Variants in TMEM132D observed in about 807,000 individuals in gnomAD.
TMEM132D encodes transmembrane protein 132D, also known as mature OL transmembrane protein.
Under a neutral mutation model 62.3 loss-of-function variants are expected in TMEM132D, and 21 were observed. The observed-to-expected ratio is 0.34, with a 90% CI of 0.24 to 0.49. TMEM132D has a LOEUF of 0.49. Among genes scored for constraint, TMEM132D ranks in the 20% least tolerant of loss-of-function variants. The pLI is 0.99. For synonymous variants in TMEM132D, 621 were observed against 575.6 expected, an observed-to-expected ratio of 1.08 and a Z score of -1.13; for missense variants, 1,346 against 1,402.8, an observed-to-expected ratio of 0.96 and a Z score of 0.65.
chr12:129,753,434 A>G (rs1480844120), intron 1 of TMEM132D, among the ~76,000 whole-genome samples: 1 of 152,266 alleles, frequency 6.6e-6, no homozygotes, highest in Non-Finnish European at 1.5e-5. Flanking sequence ...TAAAGCAAGA[A>G]TTGTTTTGTA....
intron 3 of TMEM132D, among the ~76,000 whole-genome samples, chr12:129,350,491 G>T (rs192502922): frequency 6.6e-6 from 1 of 152,182 alleles, no homozygotes; most frequent in Admixed American, 6.5e-5. Context: ...GTTTATTCCC[G>T]TGAGCCAATC....
intron 3 of TMEM132D, among the ~76,000 whole-genome samples, chr12:129,510,068 T>C (rs546860724): frequency 6.6e-6 from 1 of 152,286 alleles, no homozygotes; most frequent in East Asian, 1.9e-4. Flanking sequence ...AGTGGCTGTA[T>C]TGATTTACAT....
At chr12:129,801,858 T>C (rs1179673148) in intron 1 of TMEM132D, among the ~76,000 whole-genome samples, 2 of 150,508 alleles carry the variant, frequency 1.3e-5, no homozygotes, top group African/African-American at 4.9e-5. Context: ...CTGATGGAGC[T>C]GAAAACCAAG....
intron 3 of TMEM132D, among the ~76,000 whole-genome samples, chr12:129,369,096 A>T (rs1870514614): frequency 6.6e-6 from 1 of 152,174 alleles, no homozygotes. Flanking sequence ...TGAGATAAAC[A>T]AATCCCAAAG....
intron 2 of TMEM132D, among the ~76,000 whole-genome samples, chr12:129,622,367 C>T (rs560275508): frequency 6.6e-6 from 1 of 152,230 alleles, no homozygotes; most frequent in East Asian, 1.9e-4. Context: ...GGGGCTCTTA[C>T]GCCTTGGCAA....
Position 129,777,892 on chromosome 12 carries a change from G to A in TMEM132D, c.80-77194C>T, listed in dbSNP as rs1429996951. Among the ~76,000 whole-genome samples, 8 of 152,002 alleles carry A rather than the reference G, an allele frequency of 5.3e-5. No homozygotes were observed. The East Asian group carries it at 5.8e-4, about 11-fold the overall frequency. ...CTCACCCCTGTAATCCCAGCACTTC[G>A]GGAAGCCGAGGTGGGAGGATCACTT... On this transcript the variant is annotated intron_variant, in intron 1 of 8. Coordinates refer to ENST00000422113, the MANE Select transcript of TMEM132D (RefSeq NM_133448.3).
Position 129,255,999 on chromosome 12 carries a change from G to A in TMEM132D, c.1300-46336C>T, listed in dbSNP as rs114309105. ...CCACCAAACCACATGGCTGGTGAAA[G>A]AAAGGAAGAAGTGCTATTCCATAAG... On this transcript the variant is annotated intron_variant, in intron 4 of 8. Transcript: ENST00000422113. 4.7e-3 allele frequency among the ~76,000 whole-genome samples: 716 copies of A among 152,332 alleles called. 4 individuals are homozygous for A. The highest frequency in any genetic ancestry group is 0.016 in the African/African-American group (647 of 41,572).
At chr12:129,229,430 T>C (rs1162549273) in intron 4 of TMEM132D, among the ~76,000 whole-genome samples, 2 of 152,190 alleles carry the variant, frequency 1.3e-5, no homozygotes, top group Non-Finnish European at 2.9e-5. Context: ...TTAATTTATG[T>C]CTGTTGATAG....
chr12:129,186,732 GC>G (rs1363957563), intron 5 of TMEM132D, among the ~76,000 whole-genome samples: 1 of 152,142 alleles, frequency 6.6e-6, no homozygotes, highest in African/African-American at 2.4e-5. Context: ...ATCCAACAGT[GC>G]CAGGATCAGA....
chr12:129,794,887 C>A (rs1261637048), intron 1 of TMEM132D, among the ~76,000 whole-genome samples: 1 of 152,130 alleles, frequency 6.6e-6, no homozygotes, highest in East Asian at 1.9e-4. Flanking sequence ...AATAGGAAAG[C>A]AGACATGCAC....
intron 4 of TMEM132D, among the ~76,000 whole-genome samples, chr12:129,294,273 C>T (rs1381786451): frequency 1.3e-5 from 2 of 152,056 alleles, no homozygotes; most frequent in Non-Finnish European, 2.9e-5. Context: ...TATGTCTGTC[C>T]CCTAATCTGT....
chr12:129,774,051 C>A (rs10847944), intron 1 of TMEM132D, among the ~76,000 whole-genome samples: 117,323 of 152,062 alleles, frequency 0.77, 47,185 homozygotes, highest in Middle Eastern at 0.92. Flanking sequence ...CCATGGTGAA[C>A]CAAAAAGCAG....
intron 1 of TMEM132D, among the ~76,000 whole-genome samples, chr12:129,828,953 T>C (rs1872748818): frequency 1.3e-5 from 2 of 151,774 alleles, no homozygotes; most frequent in Admixed American, 1.3e-4. Flanking sequence ...TATAAAGCCA[T>C]ACTGTCACTA....
chr12:129,789,908 GT>G (rs1374317550), intron 1 of TMEM132D, among the ~76,000 whole-genome samples: 2 of 152,202 alleles, frequency 1.3e-5, no homozygotes, highest in African/African-American at 2.4e-5. Flanking sequence ...CATCACTTGT[GT>G]CTGAAATCCA....
At chr12:129,099,713 C>G (rs563167911) in intron 5 of TMEM132D, among the ~76,000 whole-genome samples, 2 of 152,390 alleles carry the variant, frequency 1.3e-5, no homozygotes, top group South Asian at 4.1e-4. Flanking sequence ...AGAACACCTT[C>G]TTCCATGTTC....
chr12:129,524,508 C>G (rs923896296), intron 3 of TMEM132D, among the ~76,000 whole-genome samples: 1 of 152,126 alleles, frequency 6.6e-6, no homozygotes, highest in African/African-American at 2.4e-5. Context: ...ATGAACACAA[C>G]TTTTTAAAAT....
In TMEM132D at chr12:129,081,897, G is replaced by A. The variant is rs1874461288; in HGVS notation, c.1785C>T (p.Ala595=). The stretch of plus-strand genomic sequence containing the variant: ...CTTGCCAGTCTGAGCCCAGCAGGTG[G>A]GCCAGGTGTCCCCCAGGGCCGGCCG... ...AEAAGPGGHL[A]HLLGSDWQVD... is the part of the protein sequence containing the mutation. The change falls in exon 7 of 9, where the codon GCC becomes GCT. Residue 595 remains alanine, a synonymous_variant. Transcript: ENST00000422113. 6.2e-7 allele frequency: 1 copy of A among 1,614,046 alleles called. No individual in the cohort carries two copies. The highest frequency in any genetic ancestry group is 1.3e-5 in the African/African-American group (1 of 75,040).
intron 5 of TMEM132D, among the ~76,000 whole-genome samples, chr12:129,139,160 AAAG>A (rs1178046216): frequency 6.6e-6 from 1 of 152,214 alleles, no homozygotes; most frequent in Non-Finnish European, 1.5e-5. Flanking sequence ...CTCAAGTCTT[AAAG>A]GAGGAAGTTT....
At chr12:129,767,307 A>C (rs1870583705) in intron 1 of TMEM132D, among the ~76,000 whole-genome samples, 1 of 152,070 alleles carries the variant, frequency 6.6e-6, no homozygotes, top group Non-Finnish European at 1.5e-5. Context: ...TTCTCCAGTT[A>C]ATCTGTCTCG....
Sources: gnomAD v4.1 joint callset for allele counts (sites outside exome capture counted in the v4.1 genomes callset) on GRCh38, gnomAD v4.1.1 for gene constraint, MANE v1.5 for transcripts, NCBI Gene and HGNC (gene_info 2026-07-23, HGNC 2026-07-21) for gene names.